SPIDR: variants seen among roughly 807,000 people sequenced by gnomAD.
The protein encoded by SPIDR is DNA repair-scaffolding protein.
SPIDR carries 93 observed loss-of-function variants against 104.6 expected under a neutral mutation model. The ratio of observed to expected loss-of-function variants is 0.89; its 90% CI spans 0.75 to 1.06. SPIDR has a LOEUF of 1.06. Ranked by LOEUF, SPIDR falls within the 50% of genes least tolerant of loss-of-function variation. The probability of loss-of-function intolerance (pLI) is 0.00; values close to 1 mark genes in which losing one functional copy is unlikely to be tolerated. For synonymous variants in SPIDR, 431 were observed against 416.9 expected (o/e 1.03, Z -0.41); for missense variants, 1,154 against 1,111.2 (o/e 1.04, Z -0.55).
Position 47,736,113 on chromosome 8 carries a change from G to A in SPIDR, c.*663G>A, listed in dbSNP as rs1355122231. ...ACGGAGAGCAAAGATCACAGACTAAGGAGCAGTCAGTCGGATATTTGCTTT... is the reference window on the plus strand; with the variant it reads ...ACGGAGAGCAAAGATCACAGACTAAAGAGCAGTCAGTCGGATATTTGCTTT... On this transcript the variant is annotated 3_prime_UTR_variant, in exon 20 of 20. Transcript: ENST00000297423. The A allele has an allele frequency of 6.5e-6, 1 of 154,398 alleles. No homozygotes were observed. The highest frequency in any genetic ancestry group is 1.4e-5 in the Non-Finnish European group (1 of 69,412). 9.6% of individuals were successfully genotyped at this position (154,398 alleles called of 1,614,324 possible).
At chr8:47,399,721 G>T (rs2061633920) in intron 6 of SPIDR, among the ~76,000 whole-genome samples, 1 of 152,210 alleles carries the variant, frequency 6.6e-6, no homozygotes, top group Non-Finnish European at 1.5e-5. Context: ...GGGGTTGACA[G>T]GAGTTCCGAG....
chr8:47,377,907 T>C (rs782370496), intron 5 of SPIDR, among the ~76,000 whole-genome samples: 10 of 152,360 alleles, frequency 6.6e-5, no homozygotes, highest in African/African-American at 1.7e-4. Context: ...GTTGTACTTA[T>C]ATTACAAAAT....
intron 5 of SPIDR, among the ~76,000 whole-genome samples, chr8:47,318,965 A>G (rs534600742): frequency 8.6e-4 from 129 of 149,988 alleles, no homozygotes; most frequent in Non-Finnish European, 1.6e-3. Flanking sequence ...GGAAAGGAAC[A>G]ACCAGTACCA....
At chr8:47,625,711 C>A (rs1397525909) in intron 10 of SPIDR, among the ~76,000 whole-genome samples, 1 of 152,004 alleles carries the variant, frequency 6.6e-6, no homozygotes, top group Non-Finnish European at 1.5e-5. Flanking sequence ...AGGAGAACTA[C>A]AAACCACTGC....
chr8:47,509,241 A>G (rs1328657951), intron 8 of SPIDR, among the ~76,000 whole-genome samples: 1 of 152,184 alleles, frequency 6.6e-6, no homozygotes, highest in African/African-American at 2.4e-5. Flanking sequence ...TAGCTCTGCT[A>G]CCTCAGCCAT....
At chr8:47,388,861 TG>T (rs1251546393) in intron 5 of SPIDR, among the ~76,000 whole-genome samples, 1 of 152,238 alleles carries the variant, frequency 6.6e-6, no homozygotes, top group East Asian at 1.9e-4. Context: ...GAATACTTTA[TG>T]GTTTTGAGAA....
In SPIDR at chr8:47,357,837, A is replaced by G. The variant is rs1305051597; in HGVS notation, c.526-38539A>G. The G allele has an allele frequency of 1.7e-5, 17 of 984,708 alleles. No homozygotes were observed. The East Asian group carries it at 1.8e-3, about 105-fold the overall frequency. 61.0% of individuals were successfully genotyped at this position (984,708 alleles called of 1,614,324 possible). ...GGAGAAAGGAAAGGAGATCTCATAC[A>G]TGTTAATCGTCTAGTGTTTAAGGCC... On this transcript the variant is annotated intron_variant, in intron 5 of 19. Transcript: ENST00000297423.
intron 1 of SPIDR, among the ~76,000 whole-genome samples, chr8:47,270,254 C>T (rs2035021693): frequency 2.0e-5 from 3 of 152,308 alleles, no homozygotes; most frequent in Admixed American, 2.0e-4. Context: ...CCGTTGTACT[C>T]TGAGCCTCAG....
intron 10 of SPIDR, among the ~76,000 whole-genome samples, chr8:47,654,833 G>A (rs2072420919): frequency 1.3e-5 from 2 of 152,080 alleles, no homozygotes; most frequent in South Asian, 4.2e-4. Context: ...CCAGTAACTC[G>A]TCATTTAACA....
intron 5 of SPIDR, among the ~76,000 whole-genome samples, chr8:47,310,708 G>A (rs748980477): frequency 6.6e-6 from 1 of 152,102 alleles, no homozygotes; most frequent in Admixed American, 6.6e-5. Flanking sequence ...AAGTTAGTGA[G>A]TATAAAGTAG....
chr8:47,554,735 C>G (rs2091100688), intron 8 of SPIDR, among the ~76,000 whole-genome samples: 1 of 152,190 alleles, frequency 6.6e-6, no homozygotes, highest in African/African-American at 2.4e-5. Context: ...TCGGCTCACA[C>G]TTTGTGGGCT....
At chr8:47,664,743 CAAAAAAAAAAAA>C (rs771963348) in intron 10 of SPIDR, among the ~76,000 whole-genome samples, 2 of 63,528 alleles carry the variant, frequency 3.1e-5, no homozygotes, top group East Asian at 4.2e-4. Flanking sequence ...CCCATCTCTA[CAAAAAAAAAAAA>C]AAAAAAAAAA....
At chr8:47,647,084 A>G (rs937998848) in intron 10 of SPIDR, among the ~76,000 whole-genome samples, 2 of 152,202 alleles carry the variant, frequency 1.3e-5, no homozygotes, top group Non-Finnish European at 1.5e-5. Context: ...ATTTAGTTGA[A>G]TAATATGACA....
At chr8:47,320,841 T>A (rs1343670308) in intron 5 of SPIDR, among the ~76,000 whole-genome samples, 1 of 151,954 alleles carries the variant, frequency 6.6e-6, no homozygotes, top group Non-Finnish European at 1.5e-5. Context: ...AACCAACGAG[T>A]AAAACCACAT....
intron 1 of SPIDR, among the ~76,000 whole-genome samples, chr8:47,262,627 A>G (rs1188653232): frequency 6.6e-6 from 1 of 152,174 alleles, no homozygotes; most frequent in Non-Finnish European, 1.5e-5. Context: ...GAGCAACAAG[A>G]TATCGGTCCC....
intron 5 of SPIDR, among the ~76,000 whole-genome samples, chr8:47,334,414 T>C (rs897077461): frequency 2.0e-5 from 3 of 152,224 alleles, no homozygotes; most frequent in African/African-American, 7.2e-5. Flanking sequence ...ACTTTGCAGT[T>C]TGTTTTTACT....
intron 8 of SPIDR, among the ~76,000 whole-genome samples, chr8:47,442,943 A>C (rs1585783087): frequency 6.6e-6 from 1 of 152,080 alleles, no homozygotes; most frequent in East Asian, 1.9e-4. Flanking sequence ...TATATGTTTT[A>C]AAATGCATTT....
chr8:47,534,229 C>G (rs1435236809), intron 8 of SPIDR, among the ~76,000 whole-genome samples: 1 of 152,218 alleles, frequency 6.6e-6, no homozygotes, highest in African/African-American at 2.4e-5. Flanking sequence ...TCATAAATTT[C>G]CGAGTCCTGG....
intron 8 of SPIDR, among the ~76,000 whole-genome samples, chr8:47,559,992 G>A (rs1176865442): frequency 6.6e-6 from 1 of 152,148 alleles, no homozygotes. Context: ...AACAGACATA[G>A]ATACCCTAAA....
Sources: allele counts gnomAD v4.1 joint callset (sites outside exome capture counted in the v4.1 genomes callset), GRCh38; gene constraint gnomAD v4.1.1; transcripts MANE v1.5; gene names NCBI Gene and HGNC (gene_info 2026-07-23, HGNC 2026-07-21).